The following PTPRS variants were observed in gnomAD, a reference collection of about 807,000 sequenced individuals.
PTPRS encodes the protein protein tyrosine phosphatase receptor type S.
PTPRS carries 63 observed loss-of-function variants against 215.3 expected under a neutral mutation model. The ratio of observed to expected loss-of-function variants is 0.29; its 90% CI spans 0.24 to 0.36. The LOEUF (loss-of-function observed/expected upper bound fraction) is 0.36, where lower values mean the gene tolerates loss of function less well. Among genes scored for constraint, PTPRS ranks in the 10% least tolerant of loss-of-function variants. The pLI, the probability that PTPRS is intolerant of heterozygous loss-of-function variation, is 1.00. For synonymous variants in PTPRS, 1,404 were observed against 1,191.4 expected, an observed-to-expected ratio of 1.18 and a Z score of -3.68; for missense variants, 2,258 against 2,825.8, an observed-to-expected ratio of 0.80 and a Z score of 4.56.
At chr19:5,296,186 T>C (rs937421298) in intron 1 of PTPRS, among the ~76,000 whole-genome samples, 2 of 151,990 alleles carry the variant, frequency 1.3e-5, no homozygotes, top group African/African-American at 2.4e-5. Context: ...GGGTGACACA[T>C]GAGAAACAAA....
intron 14 of PTPRS, 23 bp from the exon 15 acceptor site, chr19:5,229,707 A>C (rs955861704): frequency 6.3e-6 from 7 of 1,106,748 alleles, no homozygotes; most frequent in African/African-American, 4.9e-5. Context: ...AGGGGAGGGG[A>C]GGGGCGGGCG....
In PTPRS at chr19:5,243,926, G is replaced by A; in HGVS notation, c.1545C>T (p.Pro515=). ...TSVGDGPLSD[P]IQVKTQQGVP... ...CTCCCTGCTGCGTCTTGACCTGGATGGGGTCCGAGAGGGGCCCGTCGCCGA... is the reference window on the plus strand; with the variant it reads ...CTCCCTGCTGCGTCTTGACCTGGATAGGGTCCGAGAGGGGCCCGTCGCCGA... Residue 515 remains proline, a synonymous_variant, in exon 11 of 38, where the codon CCC becomes CCT. Transcript: ENST00000262963. 1.3e-6 allele frequency: 2 copies of A among 1,554,728 alleles called. No individual in the cohort carries two copies. Among genetic ancestry groups the A allele is most frequent in the South Asian group, 2.4e-5 (2 of 84,774 alleles).
intron 1 of PTPRS, among the ~76,000 whole-genome samples, chr19:5,315,362 T>G (rs1377529474): frequency 9.2e-6 from 1 of 108,888 alleles, no homozygotes; most frequent in Admixed American, 9.4e-5. Flanking sequence ...TTTTTTTTTT[T>G]TTTTTTTTTT....
At chr19:5,270,660 T>C (rs942596909) in intron 4 of PTPRS, among the ~76,000 whole-genome samples, 3 of 151,990 alleles carry the variant, frequency 2.0e-5, no homozygotes, top group Non-Finnish European at 2.9e-5. Flanking sequence ...TCTTTTGAGA[T>C]GGAGTCTCCC....
chr19:5,224,693 T>A (rs2042317277), intron 17 of PTPRS, among the ~76,000 whole-genome samples: 2 of 152,002 alleles, frequency 1.3e-5, no homozygotes, highest in Admixed American at 1.3e-4. Context: ...ACAGCTCTAA[T>A]ACAATGTCCC....
Position 5,214,573 on chromosome 19 carries a change from C to T in PTPRS, c.4482G>A (p.Glu1494=), listed in dbSNP as rs756652060. The part of the protein sequence containing the change: ...SATIVMMTRL[E]EKSRIKCDQY... ...GTCCAAGGCTCACCCGTGACTTCTC[C>T]TCCAGCCGCGTCATCATGACGATGG... Residue 1494 remains glutamate, a synonymous_variant, in exon 29 of 38, where the codon GAG becomes GAA. Transcript: ENST00000262963. The T allele has an allele frequency of 6.8e-6, 11 of 1,611,440 alleles. No homozygotes were observed. The highest frequency in any genetic ancestry group is 3.3e-5 in the Admixed American group (2 of 59,974).
chr19:5,340,431 C>A (rs1205201514), intron 1 of PTPRS, among the ~76,000 whole-genome samples: 1 of 151,058 alleles, frequency 6.6e-6, no homozygotes, highest in African/African-American at 2.4e-5. Context: ...CCGAGCGCCC[C>A]CAGCGCGGCC....
chr19:5,292,250 G>T (rs565611740), intron 1 of PTPRS, among the ~76,000 whole-genome samples: 30 of 152,290 alleles, frequency 2.0e-4, no homozygotes, highest in African/African-American at 6.7e-4. Context: ...CATCCCTGGC[G>T]TCACCTGGGT....
intron 1 of PTPRS, among the ~76,000 whole-genome samples, chr19:5,320,743 G>A (rs938777326): frequency 5.9e-5 from 9 of 152,078 alleles, no homozygotes; most frequent in Middle Eastern, 3.4e-3. Context: ...CTTTACAATC[G>A]TCACACTGTC....
chr19:5,244,461 G>T lies in PTPRS; in HGVS notation c.1010C>A (p.Thr337Asn), dbSNP rs1030053885. ...GGCTGTGTTCTCAGTCACCATGGGA[G>T]TCCCGGGAGCTTTGGGGAGAGCTGT... ...TVKSLPKAPG[T>N]PMVTENTATS... The change falls in exon 11 of 38, where the codon ACT (threonine) becomes AAT (asparagine). Residue 337 changes from threonine (T) to asparagine (N), a missense_variant. Around this residue, in one of 6 missense-constraint regions of PTPRS, gnomAD observed 508 missense variants for 799.4 expected, o/e 0.64. Coordinates refer to ENST00000262963, the MANE Select transcript of PTPRS (RefSeq NM_002850.4). This position sits in a 1 kb window ranked among gnomAD's most constrained non-coding sequence, Gnocchi z 7.2. 4.3e-6 allele frequency: 7 copies of T among 1,613,964 alleles called. No individual in the cohort carries two copies. The highest frequency in any genetic ancestry group is 5.1e-6 in the Non-Finnish European group (6 of 1,179,892).
At chr19:5,336,062 G>T (rs2050489157) in intron 1 of PTPRS, among the ~76,000 whole-genome samples, 1 of 151,788 alleles carries the variant, frequency 6.6e-6, no homozygotes, top group South Asian at 2.1e-4. Flanking sequence ...TGTGAAAGTG[G>T]AGGGCCTGTC....
chr19:5,215,206 C>T (rs1484681504), intron 28 of PTPRS, 83 bp downstream of exon 28: 1 of 1,565,210 alleles, frequency 6.4e-7, no homozygotes, highest in Non-Finnish European at 8.7e-7. Flanking sequence ...AATCAGGCCT[C>T]AGTGGCCCAA....
chr19:5,258,927 A>G (rs1024270860), intron 7 of PTPRS, among the ~76,000 whole-genome samples: 1 of 152,200 alleles, frequency 6.6e-6, no homozygotes, highest in African/African-American at 2.4e-5. Flanking sequence ...CACAAGCCTG[A>G]AGTCAACATC....
Position 5,223,425 on chromosome 19 carries a change from C to CT in PTPRS, c.2495-129dup, listed in dbSNP as rs902061513. On this transcript the variant is annotated intron_variant, in intron 17 of 37. Coordinates refer to ENST00000262963, the MANE Select transcript of PTPRS (RefSeq NM_002850.4). ...TTTTTGAGTTGGGGGGGGTCTTACT[C>CT]TGTTGCCCAGCCTGGAGTGCAATGG... 2.2e-5 allele frequency: 26 copies of CT among 1,173,738 alleles called. No homozygotes were observed. In the African/African-American group the frequency reaches 4.2e-4, roughly 19 times the overall value. The allele number at this position is 1,173,738 out of a possible 1,614,324, so 72.7% of individuals were successfully genotyped here.
At chr19:5,268,314 C>T (rs2046608584) in intron 4 of PTPRS, among the ~76,000 whole-genome samples, 1 of 152,008 alleles carries the variant, frequency 6.6e-6, no homozygotes, top group African/African-American at 2.4e-5. Context: ...CCTGTAGAGC[C>T]AAAAATATTT....
At chr19:5,230,608 C>T (rs1218756310) in intron 14 of PTPRS, among the ~76,000 whole-genome samples, 1 of 152,184 alleles carries the variant, frequency 6.6e-6, no homozygotes, top group African/African-American at 2.4e-5. Context: ...CATGTGCATG[C>T]CACCATGCTT....
At chr19:5,258,299 C>G (rs1428893720) in intron 7 of PTPRS, 172 bp from the exon 8 acceptor site, 3 of 607,680 alleles carry the variant, frequency 4.9e-6, no homozygotes, top group Non-Finnish European at 8.8e-6. Flanking sequence ...CTTGTATAAC[C>G]TCCACCCCCA....
chr19:5,227,919 T>C (rs1224756117), intron 16 of PTPRS, among the ~76,000 whole-genome samples: 4 of 152,018 alleles, frequency 2.6e-5, no homozygotes, highest in African/African-American at 9.7e-5. Context: ...TGTGTGCCCA[T>C]GTCTGCAAGC....
At chr19:5,325,371 A>C (rs563115947) in intron 1 of PTPRS, among the ~76,000 whole-genome samples, 6 of 152,352 alleles carry the variant, frequency 3.9e-5, no homozygotes, top group Admixed American at 2.6e-4. Context: ...GTAAAGTTCA[A>C]CTGCTACGGA....
Sources: allele counts gnomAD v4.1 joint callset (sites outside exome capture counted in the v4.1 genomes callset), GRCh38; gene constraint gnomAD v4.1.1; regional missense constraint gnomAD v4.1.1; non-coding constraint Gnocchi (gnomAD v3.1); transcripts MANE v1.5; gene names NCBI Gene and HGNC (gene_info 2026-07-23, HGNC 2026-07-21).